Variants in GATAD2A observed in about 807,000 individuals in gnomAD.
GATAD2A encodes transcriptional repressor p66-alpha.
A neutral mutation model predicts 68.5 loss-of-function variants in GATAD2A; 12 were observed. That is an observed-to-expected ratio of 0.18 (90% CI 0.11 to 0.28). The LOEUF (loss-of-function observed/expected upper bound fraction) is 0.28, where lower values mean the gene tolerates loss of function less well. Among genes scored for constraint, GATAD2A ranks in the 10% least tolerant of loss-of-function variants. The probability of loss-of-function intolerance (pLI) is 1.00; values close to 1 mark genes in which losing one functional copy is unlikely to be tolerated. For synonymous variants in GATAD2A, 410 were observed against 375.3 expected (o/e 1.09, Z -1.07); for missense variants, 755 against 868.5 (o/e 0.87, Z 1.64).
chr19:19,426,206 A>AG (rs899750013), intron 1 of GATAD2A, among the ~76,000 whole-genome samples: 2 of 152,190 alleles, frequency 1.3e-5, no homozygotes, highest in African/African-American at 4.8e-5. Flanking sequence ...GCTCATACCC[A>AG]GCCGTGGGTC....
intron 1 of GATAD2A, among the ~76,000 whole-genome samples, chr19:19,406,982 G>T (rs2050350341): frequency 6.6e-6 from 1 of 152,226 alleles, no homozygotes; most frequent in South Asian, 2.1e-4. Flanking sequence ...AAGAGCTGTG[G>T]ATTCTTTAGA....
intron 2 of GATAD2A, among the ~76,000 whole-genome samples, chr19:19,485,594 A>C (rs2059379491): frequency 6.6e-6 from 1 of 152,218 alleles, no homozygotes; most frequent in African/African-American, 2.4e-5. Flanking sequence ...GCTCAGGCAG[A>C]AGCTGCAAGG....
intron 1 of GATAD2A, among the ~76,000 whole-genome samples, chr19:19,457,666 G>A (rs11882758): frequency 1.4e-3 from 209 of 151,972 alleles, no homozygotes; most frequent in African/African-American, 4.2e-3. Flanking sequence ...GTGTGAACCC[G>A]GGAGGCGGAG....
chr19:19,496,852 T>C (rs1280316673), intron 7 of GATAD2A, among the ~76,000 whole-genome samples: 3 of 152,132 alleles, frequency 2.0e-5, no homozygotes, highest in Admixed American at 2.0e-4. Flanking sequence ...CAGGGGCTTT[T>C]GTTGGTGGGC....
In GATAD2A at chr19:19,482,132, C is replaced by T. The variant is rs147672851; in HGVS notation, c.270-10174C>T. ...AAAAAAAATAAAATATGACCGAGCGCGGTGGCTCATGCCTGTATCTCAGCA... is the reference window on the plus strand; with the variant it reads ...AAAAAAAATAAAATATGACCGAGCGTGGTGGCTCATGCCTGTATCTCAGCA... On this transcript the variant is annotated intron_variant, in intron 2 of 11. Transcript: ENST00000683918. 3.3e-5 allele frequency among the ~76,000 whole-genome samples: 5 copies of T among 151,992 alleles called. No individual in the cohort carries two copies. In the East Asian group the frequency reaches 5.8e-4, roughly 18 times the overall value.
chr19:19,436,034 A>C, intron 1 of GATAD2A: 1 of 518,946 alleles, frequency 1.9e-6, no homozygotes, highest in Non-Finnish European at 3.4e-6. Context: ...AAATTTTGCT[A>C]TGTAATTCCA....
chr19:19,429,241 A>T (rs945505698), intron 1 of GATAD2A: 4 of 984,964 alleles, frequency 4.1e-6, no homozygotes, highest in South Asian at 9.4e-5. Context: ...ATCGTGGTCC[A>T]TGGTGAGGGG....
chr19:19,496,275 C>G, intron 7 of GATAD2A, 56 bp downstream of exon 7: 1 of 1,489,458 alleles, frequency 6.7e-7, no homozygotes, highest in Non-Finnish European at 9.3e-7. Context: ...TGTGACTGCT[C>G]CCCTTGGACC....
chr19:19,492,588 G>T lies in GATAD2A; in HGVS notation c.410G>T (p.Ser137Ile). Residue 137 changes from serine (S) to isoleucine (I), a missense_variant, in exon 4 of 12, where the codon AGT becomes ATT. Coordinates refer to ENST00000683918, the MANE Select transcript of GATAD2A (RefSeq NM_001384528.1). ...TTCCTCTCGCCCCTGCAGAAAAGCAGTCCTGAAGAACGAGAAAGGATGATC... is the reference window on the plus strand; with the variant it reads ...TTCCTCTCGCCCCTGCAGAAAAGCATTCCTGAAGAACGAGAAAGGATGATC... Reference protein sequence around the residue: ...ETSTEALMKSSPEERERMIKQ... With the variant: ...ETSTEALMKSIPEERERMIKQ... 2 of 1,614,230 alleles carry T rather than the reference G, an allele frequency of 1.2e-6. No individual in the cohort carries two copies. The highest frequency in any genetic ancestry group is 1.7e-6 in the Non-Finnish European group (2 of 1,180,038).
intron 2 of GATAD2A, among the ~76,000 whole-genome samples, chr19:19,470,062 T>A (rs990660224): frequency 1.3e-5 from 2 of 151,982 alleles, no homozygotes; most frequent in Non-Finnish European, 2.9e-5. Context: ...AAGTAACCGC[T>A]TGAGAGCTGG....
chr19:19,480,693 G>C (rs1274774226), intron 2 of GATAD2A, among the ~76,000 whole-genome samples: 2 of 152,224 alleles, frequency 1.3e-5, no homozygotes, highest in Non-Finnish European at 2.9e-5. Context: ...CCTCATTGAG[G>C]TTTGGTGAAT....
chr19:19,441,960 C>T (rs1308335257), intron 1 of GATAD2A, among the ~76,000 whole-genome samples: 2 of 152,168 alleles, frequency 1.3e-5, no homozygotes, highest in Non-Finnish European at 2.9e-5. Flanking sequence ...CTCCTGGGTT[C>T]AAGTGATTCT....
At chr19:19,392,171 C>T (rs1480649232) in intron 1 of GATAD2A, among the ~76,000 whole-genome samples, 2 of 147,734 alleles carry the variant, frequency 1.4e-5, no homozygotes, top group African/African-American at 2.5e-5. Context: ...ACTGCAGCCT[C>T]GACTTCCGGG....
chr19:19,426,363 T>C (rs555533661), intron 1 of GATAD2A, among the ~76,000 whole-genome samples: 5 of 152,338 alleles, frequency 3.3e-5, no homozygotes, highest in African/African-American at 7.2e-5. Context: ...CCTTGGCTTA[T>C]GGCTGTGAGA....
At chr19:19,490,256 A>T (rs966598991) in intron 2 of GATAD2A, among the ~76,000 whole-genome samples, 3 of 152,154 alleles carry the variant, frequency 2.0e-5, no homozygotes, top group Non-Finnish European at 4.4e-5. Context: ...AGGAGGGACC[A>T]GAGGAGAGCA....
At chr19:19,492,543 G>A in intron 3 of GATAD2A, 38 bp from the exon 4 acceptor site, 9 of 1,612,912 alleles carry the variant, frequency 5.6e-6, no homozygotes, top group Non-Finnish European at 7.6e-6. Context: ...CCTCACCAAG[G>A]ACGCTCCCTC....
At chr19:19,496,243 C>A in intron 7 of GATAD2A, 24 bp downstream of exon 7, 1 of 1,607,442 alleles carries the variant, frequency 6.2e-7, no homozygotes, top group Non-Finnish European at 8.5e-7. Context: ...CACACTGTGC[C>A]AGGGAGAGTG....
At chr19:19,399,028 C>T (rs1373643821) in intron 1 of GATAD2A, among the ~76,000 whole-genome samples, 1 of 151,574 alleles carries the variant, frequency 6.6e-6, no homozygotes, top group African/African-American at 2.4e-5. Context: ...CACTGCCCTC[C>T]AGCCTGGGCG....
intron 1 of GATAD2A, among the ~76,000 whole-genome samples, 186 bp from the exon 2 acceptor site, chr19:19,465,154 T>C (rs1655614290): frequency 6.6e-6 from 1 of 152,212 alleles, no homozygotes; most frequent in African/African-American, 2.4e-5. Context: ...CCCTCCTGCC[T>C]AGCCTTCCTC....
Sources: allele counts gnomAD v4.1 joint callset (sites outside exome capture counted in the v4.1 genomes callset), GRCh38; gene constraint gnomAD v4.1.1; transcripts MANE v1.5; gene names NCBI Gene and HGNC (gene_info 2026-07-23, HGNC 2026-07-21).